Variants in SCMH1 observed in about 807,000 individuals in gnomAD.
SCMH1 encodes the protein polycomb protein SCMH1.
SCMH1 carries 37 observed loss-of-function variants against 70.8 expected under a neutral mutation model. The observed-to-expected ratio is 0.52, with a 90% confidence interval of 0.40 to 0.69. The LOEUF is 0.69. Among genes scored for constraint, SCMH1 ranks in the 30% least tolerant of loss-of-function variants. The pLI, the probability that SCMH1 is intolerant of heterozygous loss-of-function variation, is 0.00. For missense variants in SCMH1, 607 were observed against 827.3 expected (o/e 0.73, Z 3.27); for synonymous variants, 292 against 307.4 (o/e 0.95, Z 0.52).
At chr1:41,072,367 A>T (rs1000941257) in intron 9 of SCMH1, among the ~76,000 whole-genome samples, 11 of 152,236 alleles carry the variant, frequency 7.2e-5, no homozygotes, top group Admixed American at 2.0e-4. Context: ...ATGTAAACCT[A>T]TTTGAGATAG....
intron 8 of SCMH1, among the ~76,000 whole-genome samples, chr1:41,091,792 T>G (rs543436326): frequency 6.6e-6 from 1 of 151,896 alleles, no homozygotes; most frequent in Non-Finnish European, 1.5e-5. Flanking sequence ...GAGAATAAAA[T>G]ACCTAGGAAT....
At chr1:41,209,919 A>G (rs1268098161) in intron 1 of SCMH1, among the ~76,000 whole-genome samples, 3 of 152,212 alleles carry the variant, frequency 2.0e-5, no homozygotes, top group Admixed American at 6.5e-5. Context: ...AGGAAGTCAA[A>G]TTGTCCCTGT....
At chr1:41,182,338 T>C (rs902536803) in intron 2 of SCMH1, among the ~76,000 whole-genome samples, 1 of 152,094 alleles carries the variant, frequency 6.6e-6, no homozygotes, top group Non-Finnish European at 1.5e-5. Flanking sequence ...ACCCTAAAAC[T>C]TAAAGTATAA....
intron 6 of SCMH1, among the ~76,000 whole-genome samples, chr1:41,134,301 T>C (rs1313353134): frequency 2.0e-5 from 3 of 152,190 alleles, no homozygotes; most frequent in African/African-American, 7.2e-5. Context: ...ATAAGAGCTA[T>C]TTATGACAAA....
At chr1:41,212,949 TGAC>T (rs1657346532) in intron 1 of SCMH1, among the ~76,000 whole-genome samples, 3 of 151,990 alleles carry the variant, frequency 2.0e-5, no homozygotes, top group African/African-American at 7.3e-5. Context: ...ACTATAAATT[TGAC>T]ATTAAAAAAG....
chr1:41,172,297 A>C (rs938977938), intron 2 of SCMH1, among the ~76,000 whole-genome samples: 1 of 152,052 alleles, frequency 6.6e-6, no homozygotes, highest in Non-Finnish European at 1.5e-5. Flanking sequence ...TGAACCAACA[A>C]TGAACTAGTA....
rs1646899685 is a variant in SCMH1 at position 41,046,392 on chromosome 1, C to T, written c.1498+15G>A. On this transcript the variant is annotated intron_variant, in intron 12 of 14. Transcript: ENST00000337495. ...TGTCCCCCACTCTCAGCCCAGGCCC[C>T]ATCCCAGCTCCTACCTGGTAGGTAC... 7 of 1,612,090 alleles carry T rather than the reference C, an allele frequency of 4.3e-6. No individual in the cohort carries two copies. In the South Asian group the frequency reaches 7.7e-5, roughly 18 times the overall value.
chr1:41,064,901 C>T (rs1281384023), intron 10 of SCMH1, among the ~76,000 whole-genome samples: 4 of 151,522 alleles, frequency 2.6e-5, no homozygotes, highest in Admixed American at 6.6e-5. Context: ...GGCAACACAG[C>T]AAGACCCTAT....
chr1:41,027,561 G>C (rs1205501436), exon 15 of SCMH1: 2 of 152,218 alleles, frequency 1.3e-5, no homozygotes, highest in African/African-American at 4.8e-5. Context: ...GGCTTTATGG[G>C]TCTCTCCACC....
At chr1:41,196,583 A>G (rs1653074451) in intron 1 of SCMH1, among the ~76,000 whole-genome samples, 1 of 152,218 alleles carries the variant, frequency 6.6e-6, no homozygotes, top group African/African-American at 2.4e-5. Context: ...GTAAGAGCTA[A>G]AACTATAAAA....
intron 11 of SCMH1, among the ~76,000 whole-genome samples, chr1:41,047,392 CTTTTTT>C (rs397861246): frequency 8.9e-6 from 1 of 112,454 alleles, no homozygotes; most frequent in Non-Finnish European, 1.8e-5. Context: ...ACTTCCCAGT[CTTTTTT>C]TTTTTTTTTT....
intron 1 of SCMH1, among the ~76,000 whole-genome samples, chr1:41,222,995 TCTA>T (rs908278759): frequency 6.6e-6 from 1 of 152,186 alleles, no homozygotes; most frequent in Non-Finnish European, 1.5e-5. Flanking sequence ...GTCTGATTCC[TCTA>T]CTAGATTATG....
At chr1:41,098,168 C>A (rs1665606641) in intron 8 of SCMH1, among the ~76,000 whole-genome samples, 1 of 152,148 alleles carries the variant, frequency 6.6e-6, no homozygotes, top group African/African-American at 2.4e-5. Context: ...TTAAATATTT[C>A]ATTCTATTTT....
chr1:41,059,502 A>C (rs1190482206), intron 10 of SCMH1, among the ~76,000 whole-genome samples: 6 of 152,218 alleles, frequency 3.9e-5, no homozygotes, highest in Non-Finnish European at 8.8e-5. Flanking sequence ...TTCCCACTCC[A>C]TCCCCTTTCC....
chr1:41,241,630 G>A (rs930324066), intron 1 of SCMH1, among the ~76,000 whole-genome samples: 2 of 152,038 alleles, frequency 1.3e-5, no homozygotes, highest in Non-Finnish European at 2.9e-5. Flanking sequence ...ACGGGGTCGC[G>A]CCGCCGCCCG....
chr1:41,115,114 A>G (rs1158137041), intron 7 of SCMH1, among the ~76,000 whole-genome samples: 1 of 152,210 alleles, frequency 6.6e-6, no homozygotes, highest in African/African-American at 2.4e-5. Context: ...TAAAAAATTT[A>G]TTTTCAAATC....
At chr1:41,108,305 T>C (rs1382051694) in intron 8 of SCMH1, among the ~76,000 whole-genome samples, 1 of 152,226 alleles carries the variant, frequency 6.6e-6, no homozygotes, top group Non-Finnish European at 1.5e-5. Flanking sequence ...TTGGGTCTCA[T>C]GTTGTCTCGC....
chr1:41,214,111 T>A (rs1657614595), intron 1 of SCMH1, among the ~76,000 whole-genome samples: 1 of 152,112 alleles, frequency 6.6e-6, no homozygotes. Context: ...CATGCACACA[T>A]ACATGCACAC....
intron 6 of SCMH1, among the ~76,000 whole-genome samples, chr1:41,135,759 G>A (rs1160077073): frequency 6.6e-6 from 1 of 152,124 alleles, no homozygotes; most frequent in Non-Finnish European, 1.5e-5. Context: ...GGCTGGTGAG[G>A]ATCATGCTGA....
Sources: allele counts gnomAD v4.1 joint callset (sites outside exome capture counted in the v4.1 genomes callset), GRCh38; gene constraint gnomAD v4.1.1; transcripts MANE v1.5; gene names NCBI Gene and HGNC (gene_info 2026-07-23, HGNC 2026-07-21).